The following FOXN4 variants were observed in gnomAD, a reference collection of about 807,000 sequenced individuals.
FOXN4 encodes forkhead box N4, also known as forkhead box protein N4.
Under a neutral mutation model 45.0 loss-of-function variants are expected in FOXN4, and 12 were observed. That is an observed-to-expected ratio of 0.27 (90% CI 0.17 to 0.43). FOXN4 has a LOEUF of 0.43. Among genes scored for constraint, FOXN4 ranks in the 20% least tolerant of loss-of-function variants. The pLI, the probability that FOXN4 is intolerant of heterozygous loss-of-function variation, is 1.00. For synonymous variants in FOXN4, 297 were observed against 295.0 expected (o/e 1.01, Z -0.07); for missense variants, 560 against 694.9 (o/e 0.81, Z 2.18).
intron 2 of FOXN4, among the ~76,000 whole-genome samples, chr12:109,293,133 A>G (rs1218871736): frequency 6.6e-6 from 1 of 152,110 alleles, no homozygotes; most frequent in African/African-American, 2.4e-5. Context: ...GCTCACTGCA[A>G]AGTCTGACTT....
At chr12:109,283,057 C>T (rs556508682) in intron 8 of FOXN4, among the ~76,000 whole-genome samples, 7 of 152,242 alleles carry the variant, frequency 4.6e-5, no homozygotes, top group African/African-American at 1.7e-4. Flanking sequence ...CCCATTCCTA[C>T]ACCGCATGGT....
intron 2 of FOXN4, among the ~76,000 whole-genome samples, chr12:109,300,480 C>T (rs1454401286): frequency 1.3e-5 from 2 of 152,170 alleles, no homozygotes; most frequent in Non-Finnish European, 2.9e-5. Context: ...ATGTCTCAGC[C>T]ACATAGCATA....
intron 2 of FOXN4, among the ~76,000 whole-genome samples, chr12:109,293,355 C>G (rs763873782): frequency 7.9e-5 from 12 of 152,192 alleles, no homozygotes; most frequent in Non-Finnish European, 1.8e-4. Context: ...CAGGGACCCA[C>G]TCTGCACCCT....
chr12:109,299,507 G>A (rs56293493), intron 2 of FOXN4, among the ~76,000 whole-genome samples: 25,367 of 152,040 alleles, frequency 0.17, 2,267 homozygotes, highest in Middle Eastern at 0.22. Context: ...AGGTGACCTC[G>A]CCAAATCCCC....
rs186932704 is a variant in FOXN4, at chr12:109,298,604, C to T, written c.87-8318G>A. Among the ~76,000 whole-genome samples, 33 of 152,252 alleles carry T rather than the reference C, an allele frequency of 2.2e-4. 1 individual carries two copies. The highest frequency in any genetic ancestry group is 4.4e-5 in the Non-Finnish European group (3 of 68,026). On this transcript the variant is annotated intron_variant, in intron 2 of 9. Coordinates refer to ENST00000299162, the MANE Select transcript of FOXN4 (RefSeq NM_213596.3). ...TCTCGAATTCCTGACCTTAGGTGAT[C>T]CGCCCACCTCGGCCTCCCAAAGTGT...
At chr12:109,293,120 G>A (rs531144069) in intron 2 of FOXN4, among the ~76,000 whole-genome samples, 1 of 152,170 alleles carries the variant, frequency 6.6e-6, no homozygotes, top group African/African-American at 2.4e-5. Flanking sequence ...CCCACCCCTG[G>A]AGGCTCACTG....
intron 2 of FOXN4, among the ~76,000 whole-genome samples, chr12:109,297,482 A>G (rs1566003414): frequency 6.6e-6 from 1 of 152,182 alleles, no homozygotes; most frequent in East Asian, 1.9e-4. Context: ...CTGGGATTAC[A>G]GGCGCCACCA....
At chr12:109,282,928 C>G (rs1481150351) in intron 8 of FOXN4, among the ~76,000 whole-genome samples, 8 of 151,840 alleles carry the variant, frequency 5.3e-5, no homozygotes, top group Admixed American at 6.6e-5. Flanking sequence ...TCAAGCCAGA[C>G]CCCAGAGCTC....
chr12:109,290,159 C>T lies in FOXN4; in HGVS notation c.214G>A (p.Val72Met), dbSNP rs764230793. The T allele has an allele frequency of 7.0e-5, 108 of 1,549,524 alleles. No individual in the cohort carries two copies. Among genetic ancestry groups the T allele is most frequent in the Middle Eastern group, 1.7e-4 (1 of 6,008 alleles). Reference protein sequence around the residue: ...SGRVDLGGPCVPHPHPGALAG... With the variant: ...SGRVDLGGPCMPHPHPGALAG... ...AGCCTACCTGGGTGTGGATGTGGCACGCAGGGGCCACCCAGGTCCACGCGG... is the reference window on the plus strand; with the variant it reads ...AGCCTACCTGGGTGTGGATGTGGCATGCAGGGGCCACCCAGGTCCACGCGG... Residue 72 changes from valine to methionine, a missense_variant, in exon 3 of 10, where the codon GTG becomes ATG. This residue lies in a region of FOXN4 where 142 missense variants were observed against 185.7 expected (regional missense o/e 0.76). Coordinates refer to ENST00000299162, the MANE Select transcript of FOXN4 (RefSeq NM_213596.3). This position sits in a 1 kb window ranked among gnomAD's most constrained non-coding sequence, Gnocchi z 5.1.
chr12:109,283,344 C>T (rs572480323), intron 8 of FOXN4, among the ~76,000 whole-genome samples: 1 of 152,228 alleles, frequency 6.6e-6, no homozygotes, highest in Admixed American at 6.5e-5. Flanking sequence ...TATTCTCATT[C>T]TCTCACTCGC....
intron 1 of FOXN4, 53 bp from the exon 2 acceptor site, chr12:109,308,377 GGGCAGAAACCCA>G (rs1283570134): frequency 1.6e-6 from 2 of 1,261,970 alleles, no homozygotes; most frequent in African/African-American, 3.0e-5. Context: ...GATATGGACA[GGGCAGAAACCCA>G]CAGTTTTCCC....
Position 109,287,355 on chromosome 12 carries a change from G to A in FOXN4, c.596+42C>T, listed in dbSNP as rs766833229. The A allele has an allele frequency of 8.9e-5, 138 of 1,550,272 alleles. No homozygotes were observed. In the Middle Eastern group the frequency reaches 4.9e-3, roughly 56 times the overall value. On this transcript the variant is annotated intron_variant, in intron 6 of 9. Transcript: ENST00000299162. The surrounding 1 kb of genome is among the most constrained non-coding windows in gnomAD (Gnocchi z 4.1). ...GAGGGCAGCCTCATCCCTCTCTCCC[G>A]GAGCCGCCCTTGGCCCTGACCCGGC...
chr12:109,290,029 C>CCAGAGAGA lies in FOXN4; in HGVS notation c.232+104_232+111dup. On this transcript the variant is annotated intron_variant, in intron 3 of 9. Coordinates refer to ENST00000299162, the MANE Select transcript of FOXN4 (RefSeq NM_213596.3). This position sits in a 1 kb window ranked among gnomAD's most constrained non-coding sequence, Gnocchi z 5.1. ...ATTTTACAGATGCAGAAAGAGAGGC[C>CCAGAGAGA]CAGAGAGACTGGGAGACCGGGTCAT... is the stretch of plus-strand genomic sequence containing the variant. 1 of 1,277,964 alleles carries CCAGAGAGA rather than the reference C, an allele frequency of 7.8e-7. No homozygotes were observed. Among genetic ancestry groups the CCAGAGAGA allele is most frequent in the Non-Finnish European group, 1.0e-6 (1 of 957,354 alleles). 79.2% of individuals were successfully genotyped at this position (1,277,964 alleles called of 1,614,324 possible).
At chr12:109,300,271 C>T (rs7978484) in intron 2 of FOXN4, among the ~76,000 whole-genome samples, 5,763 of 152,178 alleles carry the variant, frequency 0.038, 298 homozygotes, top group East Asian at 0.15. Flanking sequence ...TTCTGGCAAG[C>T]AGAAGCAACT....
chr12:109,285,067 C>G (rs946192171), intron 8 of FOXN4, among the ~76,000 whole-genome samples: 16 of 151,432 alleles, frequency 1.1e-4, no homozygotes, highest in African/African-American at 3.4e-4. Context: ...ATGTGTGCAT[C>G]TGGGCCTCAC....
chr12:109,304,064 G>A (rs564560831), intron 2 of FOXN4, among the ~76,000 whole-genome samples: 8 of 151,564 alleles, frequency 5.3e-5, no homozygotes, highest in East Asian at 1.9e-4. Context: ...GGTGATGGGC[G>A]TCTGTAATCC....
At chr12:109,297,015 G>A (rs550488421) in intron 2 of FOXN4, among the ~76,000 whole-genome samples, 1 of 152,352 alleles carries the variant, frequency 6.6e-6, no homozygotes, top group African/African-American at 2.4e-5. Context: ...AGAGGAACAG[G>A]CCTGTCTAGG....
Position 109,291,020 on chromosome 12 carries a change from C to A in FOXN4, c.87-734G>T, listed in dbSNP as rs957694027. ...GTCACCTGCCCAAGGCGACACAGAA[C>A]AGGAGGTGGTGGGGCTGAGACCCAG... is the stretch of plus-strand genomic sequence containing the variant. On this transcript the variant is annotated intron_variant, in intron 2 of 9. Coordinates refer to ENST00000299162, the MANE Select transcript of FOXN4 (RefSeq NM_213596.3). This position sits in a 1 kb window ranked among gnomAD's most constrained non-coding sequence, Gnocchi z 6.6. Among the ~76,000 whole-genome samples, 4 of 152,154 alleles carry A rather than the reference C, an allele frequency of 2.6e-5. No homozygotes were observed. The highest frequency in any genetic ancestry group is 2.6e-4 in the Admixed American group (4 of 15,288).
chr12:109,306,019 G>T (rs1043405064), intron 2 of FOXN4, among the ~76,000 whole-genome samples: 3 of 152,078 alleles, frequency 2.0e-5, no homozygotes, highest in African/African-American at 7.2e-5. Flanking sequence ...CAGCTGGGTG[G>T]CCCAGATGAA....
Sources: allele counts gnomAD v4.1 joint callset (sites outside exome capture counted in the v4.1 genomes callset), GRCh38; gene constraint gnomAD v4.1.1; regional missense constraint gnomAD v4.1.1; non-coding constraint Gnocchi (gnomAD v3.1); transcripts MANE v1.5; gene names NCBI Gene and HGNC (gene_info 2026-07-23, HGNC 2026-07-21).